Variants in PWWP2A observed in about 807,000 individuals in gnomAD.
The protein encoded by PWWP2A is PWWP domain-containing protein 2A.
Under a neutral mutation model 48.5 loss-of-function variants are expected in PWWP2A, and 18 were observed. The observed-to-expected ratio is 0.37, with a 90% CI of 0.26 to 0.55. The LOEUF is 0.55. Ranked by LOEUF, PWWP2A falls within the 20% of genes least tolerant of loss-of-function variation. PWWP2A has a pLI of 0.81. For missense variants in PWWP2A, 867 were observed against 976.4 expected (o/e 0.89, Z 1.49); for synonymous variants, 396 against 387.7 (o/e 1.02, Z -0.25).
downstream of PWWP2A, among the ~76,000 whole-genome samples, chr5:160,059,640 G>A (rs1581127692): frequency 6.6e-6 from 1 of 152,210 alleles, no homozygotes; most frequent in African/African-American, 2.4e-5. Context: ...AGGGAAGCCT[G>A]AGGAGAGGGA....
At chr5:160,084,384 G>C (rs958008627) in intron 2 of PWWP2A, among the ~76,000 whole-genome samples, 14 of 152,260 alleles carry the variant, frequency 9.2e-5, no homozygotes, top group African/African-American at 2.9e-4. Flanking sequence ...AAAGGGAATG[G>C]TTCTTTGCTC....
At chr5:160,068,683 C>T (rs1753673421) in intron 2 of PWWP2A, among the ~76,000 whole-genome samples, 1 of 152,194 alleles carries the variant, frequency 6.6e-6, no homozygotes, top group Non-Finnish European at 1.5e-5. Flanking sequence ...TCTTTCTCAT[C>T]TGCCTCCTGA....
At position 160,092,328 on chromosome 5, in the gene PWWP2A, G is replaced by A; in HGVS notation, c.*54C>T. On this transcript the variant is annotated 3_prime_UTR_variant, in exon 2 of 2. Coordinates refer to ENST00000307063, the MANE Select transcript of PWWP2A (RefSeq NM_001130864.2). Reference sequence around the variant, plus strand: ...ATTTTGTAGAAATTATTCCTAACTAGACTAGAAAATCTGTGGTGACTTCCA... The same window carrying A: ...ATTTTGTAGAAATTATTCCTAACTAAACTAGAAAATCTGTGGTGACTTCCA... 1 of 1,472,596 alleles carries A rather than the reference G, an allele frequency of 6.8e-7. No homozygotes were observed. The highest frequency in any genetic ancestry group is 9.0e-7 in the Non-Finnish European group (1 of 1,111,636). The allele number at this position is 1,472,596 out of a possible 1,614,324, so 91.2% of individuals were successfully genotyped here.
At chr5:160,073,877 C>T (rs1467054259), downstream of PWWP2A, among the ~76,000 whole-genome samples, 2 of 151,784 alleles carry the variant, frequency 1.3e-5, no homozygotes, top group Non-Finnish European at 2.9e-5. Flanking sequence ...CCAGCCTGGC[C>T]AACATGGCGA....
chr5:160,087,853 G>C (rs1754760446), downstream of PWWP2A, among the ~76,000 whole-genome samples: 1 of 152,116 alleles, frequency 6.6e-6, no homozygotes, highest in Admixed American at 6.5e-5. Context: ...TCTTACTTGA[G>C]TAAAGATAAG....
At chr5:160,070,007 T>C (rs1753704519) in intron 2 of PWWP2A, among the ~76,000 whole-genome samples, 1 of 152,228 alleles carries the variant, frequency 6.6e-6, no homozygotes. Flanking sequence ...AGCTTTTCCA[T>C]TGGTTGGGGC....
At position 160,094,072 on chromosome 5, in the gene PWWP2A, A is replaced by C; in HGVS notation, c.585-7T>G. 2 of 1,566,762 alleles carry C rather than the reference A, an allele frequency of 1.3e-6. No homozygotes were observed. Among genetic ancestry groups the C allele is most frequent in the Non-Finnish European group, 1.7e-6 (2 of 1,154,142 alleles). On this transcript the variant is annotated splice_region_variant and splice_polypyrimidine_tract_variant and intron_variant, in intron 1 of 1. Transcript: ENST00000307063. Reference sequence around the variant, plus strand: ...GATACCATGGGGCCCAAACCTTTGAAAGAAATGGAAGAAAAAAAGAAGACA... The same window carrying C: ...GATACCATGGGGCCCAAACCTTTGACAGAAATGGAAGAAAAAAAGAAGACA...
At chr5:160,118,485 C>T (rs1047668540) in intron 1 of PWWP2A, among the ~76,000 whole-genome samples, 1 of 151,808 alleles carries the variant, frequency 6.6e-6, no homozygotes, top group Non-Finnish European at 1.5e-5. Context: ...TGCATTAACC[C>T]ACCCGCCCAG....
intron 1 of PWWP2A, among the ~76,000 whole-genome samples, chr5:160,095,608 A>G (rs887566739): frequency 1.3e-5 from 2 of 152,130 alleles, no homozygotes; most frequent in Non-Finnish European, 2.9e-5. Flanking sequence ...GGAACCTTCA[A>G]AACTAGATGC....
At chr5:160,074,695 A>C (rs987560302), downstream of PWWP2A, among the ~76,000 whole-genome samples, 1 of 150,158 alleles carries the variant, frequency 6.7e-6, no homozygotes, top group South Asian at 2.1e-4. Context: ...GCAGTGAGCC[A>C]AGATCGTGCC....
chr5:160,057,358 T>A (rs139802919), downstream of PWWP2A, among the ~76,000 whole-genome samples: 560 of 152,212 alleles, frequency 3.7e-3, 3 homozygotes, highest in Middle Eastern at 0.017. This position sits in a 1 kb window ranked among gnomAD's most constrained non-coding sequence, Gnocchi z 4.4. Context: ...ACAGAAGTTA[T>A]GTTTATATAA....
rs999660270 is a variant in PWWP2A, at chr5:160,119,358, T to A, written c.31A>T (p.Thr11Ser). 7.2e-7 allele frequency: 1 copy of A among 1,382,552 alleles called. No individual in the cohort carries two copies. The highest frequency in any genetic ancestry group is 3.6e-5 in the Admixed American group (1 of 27,888). The allele number at this position is 1,382,552 out of a possible 1,614,324, so 85.6% of individuals were successfully genotyped here. The change falls in exon 1 of 2, where the codon ACT becomes TCT. Residue 11 changes from threonine to serine, a missense_variant. By Grantham distance (58) the Thr-to-Ser change is moderately conservative (BLOSUM62 1). Around this residue, in one of 4 missense-constraint regions of PWWP2A, gnomAD observed 385 missense variants for 396.9 expected, o/e 0.97. Transcript: ENST00000307063. Reference protein sequence around the residue: MAAVAAEAAATAASPGEGGAG... With the variant: MAAVAAEAAASAASPGEGGAG... ...CCCCCCTCCCCGGGGGACGCTGCAG[T>A]CGCTGCCGCCTCTGCAGCCACGGCC...
chr5:160,085,191 G>A lies in PWWP2A; in HGVS notation c.1550-4421C>T, dbSNP rs544893947. 3.0e-3 allele frequency among the ~76,000 whole-genome samples: 460 copies of A among 151,820 alleles called. 4 individuals carry two copies. Among genetic ancestry groups the A allele is most frequent in the Admixed American group, 4.9e-3 (74 of 15,238 alleles). On this transcript the variant is annotated intron_variant, in intron 2 of 3. Transcript: ENST00000456329. The stretch of plus-strand genomic sequence containing the variant: ...CTACAGGCACCCACCACCATGCCCA[G>A]CTAATTTTTGTATTTTTAGTACAGA...
Position 160,093,703 on chromosome 5 carries a change from C to T in PWWP2A, c.947G>A (p.Arg316Gln), listed in dbSNP as rs1755322054. The change falls in exon 2 of 2, where the codon CGA (arginine) becomes CAA (glutamine). Residue 316 changes from arginine (R) to glutamine (Q), a missense_variant. Coordinates refer to ENST00000307063, the MANE Select transcript of PWWP2A (RefSeq NM_001130864.2). The surrounding 1 kb of genome is among the most constrained non-coding windows in gnomAD (Gnocchi z 5.8). ...TTTATCACACAGAACTTGCCTGGGT[C>T]GTAGTTTAATAGCATTCATTATTGA... ...PTSIMNAIKL[R>Q]PRQVLCDKCK... 6.2e-7 allele frequency: 1 copy of T among 1,613,920 alleles called. No homozygotes were observed. Among genetic ancestry groups the T allele is most frequent in the Non-Finnish European group, 8.5e-7 (1 of 1,179,850 alleles).
At chr5:160,072,228 C>G (rs1198096496), downstream of PWWP2A, among the ~76,000 whole-genome samples, 1 of 152,168 alleles carries the variant, frequency 6.6e-6, no homozygotes, top group African/African-American at 2.4e-5. Flanking sequence ...CACACTAAAC[C>G]AGATCCATTA....
chr5:160,045,514 ATACACACTCTCTCTCTCT>A, the PWWP2A span, among the ~76,000 whole-genome samples: 5 of 29,736 alleles, frequency 1.7e-4, 1 homozygote, highest in African/African-American at 8.9e-4. Flanking sequence ...ACACACACAC[ATACACACTCTCTCTCTCT>A]CTCTCTCTCT....
the PWWP2A span, among the ~76,000 whole-genome samples, chr5:160,054,265 A>G: frequency 1.3e-5 from 2 of 152,200 alleles, no homozygotes; most frequent in African/African-American, 4.8e-5. Flanking sequence ...CTAGTCATTG[A>G]TGCTTTATTT....
intron 3 of PWWP2A, among the ~76,000 whole-genome samples, chr5:160,079,848 T>C (rs1388112149): frequency 6.6e-6 from 1 of 152,180 alleles, no homozygotes; most frequent in Non-Finnish European, 1.5e-5. Flanking sequence ...CCAGCTGCAA[T>C]CTCTAATCCA....
chr5:160,068,267 C>T (rs894952063), intron 2 of PWWP2A, among the ~76,000 whole-genome samples: 7 of 152,180 alleles, frequency 4.6e-5, no homozygotes, highest in Non-Finnish European at 1.0e-4. Context: ...CATACTGTGA[C>T]GTTGTACATA....
Sources: gnomAD v4.1 joint callset for allele counts (sites outside exome capture counted in the v4.1 genomes callset) on GRCh38, gnomAD v4.1.1 for gene constraint, gnomAD v4.1.1 regional missense constraint, Gnocchi (gnomAD v3.1) non-coding constraint, MANE v1.5 for transcripts, NCBI Gene and HGNC (gene_info 2026-07-23, HGNC 2026-07-21) for gene names.